Variants in SLC6A17 observed in about 807,000 individuals in gnomAD.
SLC6A17 encodes the protein sodium-dependent neutral amino acid transporter SLC6A17.
SLC6A17 carries 21 observed loss-of-function variants against 64.5 expected under a neutral mutation model. The observed-to-expected ratio is 0.33, with a 90% CI of 0.23 to 0.47. The LOEUF (loss-of-function observed/expected upper bound fraction) is 0.47. SLC6A17 is among the 20% of genes least tolerant of loss of function. SLC6A17 has a pLI of 1.00. For synonymous variants in SLC6A17, 372 were observed against 399.5 expected, an observed-to-expected ratio of 0.93 and a Z score of 0.82; for missense variants, 682 against 963.2, an observed-to-expected ratio of 0.71 and a Z score of 3.86.
Position 110,198,514 on chromosome 1 carries a change from TC to T in SLC6A17, c.*71del, listed in dbSNP as rs1657034554. On this transcript the variant is annotated 3_prime_UTR_variant, in exon 12 of 12. Transcript: ENST00000331565. ...CCCACTTGTCCAGGCCTGGCCTCTT[TC>T]TTGAGGTGGCCACCAGGCCCAGGCC... 6.5e-7 allele frequency: 1 copy of T among 1,532,456 alleles called. No homozygotes were observed. The highest frequency in any genetic ancestry group is 1.3e-5 in the South Asian group (1 of 77,654). The allele number at this position is 1,532,456 out of a possible 1,614,324, so 94.9% of individuals were successfully genotyped here. A position where few individuals can be genotyped will look rare whatever the true frequency, so the allele number is the denominator to read the frequency against.
chr1:110,158,049 T>C (rs1014110087), intron 1 of SLC6A17, among the ~76,000 whole-genome samples: 2 of 152,220 alleles, frequency 1.3e-5, no homozygotes, highest in Admixed American at 1.3e-4. Flanking sequence ...ATATAGTGTA[T>C]GTTTATATGT....
At chr1:110,170,846 GGTGT>G (rs113598904) in intron 2 of SLC6A17, among the ~76,000 whole-genome samples, 221 of 150,134 alleles carry the variant, frequency 1.5e-3, no homozygotes, top group Middle Eastern at 6.9e-3. Flanking sequence ...ACTAGTCTGT[GGTGT>G]GTGTGTGTGT....
At chr1:110,187,173 A>T (rs1656707165) in intron 6 of SLC6A17, among the ~76,000 whole-genome samples, 1 of 152,192 alleles carries the variant, frequency 6.6e-6, no homozygotes, top group Non-Finnish European at 1.5e-5. Flanking sequence ...TAAATGTAAA[A>T]GTTTAATTGA....
chr1:110,190,041 T>A (rs1337547197), intron 6 of SLC6A17, among the ~76,000 whole-genome samples: 6 of 152,224 alleles, frequency 3.9e-5, no homozygotes, highest in Non-Finnish European at 8.8e-5. Context: ...CTATTCCCCA[T>A]GGCCTCTGCA....
intron 6 of SLC6A17, among the ~76,000 whole-genome samples, chr1:110,182,384 T>A (rs1484589827): frequency 1.3e-5 from 2 of 151,972 alleles, no homozygotes; most frequent in African/African-American, 4.8e-5. Flanking sequence ...ATCTAATAGA[T>A]CTCCACATGG....
intron 1 of SLC6A17, among the ~76,000 whole-genome samples, chr1:110,161,008 T>C (rs561354152): frequency 1.3e-5 from 2 of 152,206 alleles, no homozygotes; most frequent in East Asian, 3.9e-4. Flanking sequence ...CCTACAGGAC[T>C]TGCAACACCT....
chr1:110,183,104 G>A (rs1656577190), intron 6 of SLC6A17, among the ~76,000 whole-genome samples: 1 of 152,192 alleles, frequency 6.6e-6, no homozygotes, highest in Admixed American at 6.5e-5. Flanking sequence ...ATATGACCCA[G>A]CCATTCCACT....
rs759605977 is a variant in SLC6A17, at chr1:110,167,114, C to T, written c.185C>T (p.Ala62Val). 3.1e-6 allele frequency: 5 copies of T among 1,613,086 alleles called. No individual in the cohort carries two copies. In the Admixed American group the frequency reaches 6.7e-5, roughly 22 times the overall value. The change falls in exon 2 of 12, where the codon GCC becomes GTC. Residue 62 changes from alanine to valine, a missense_variant. Coordinates refer to ENST00000331565, the MANE Select transcript of SLC6A17 (RefSeq NM_001010898.4). ...GAGCTGGATGCAGAGGACCGGCCGG[C>T]CTGGAACAGTAAGCTGCAGTACATC... ...EEELDAEDRP[A>V]WNSKLQYILA...
chr1:110,193,471 C>G (rs1411840784), intron 8 of SLC6A17, among the ~76,000 whole-genome samples: 3 of 152,202 alleles, frequency 2.0e-5, no homozygotes, highest in Admixed American at 6.5e-5. Flanking sequence ...AGGGACATAC[C>G]CACAGCATCT....
Position 110,199,698 on chromosome 1 carries a change from A to T in SLC6A17, c.*1254A>T, listed in dbSNP as rs1405304926. ...CCAAAGGCAAGGGCTGGTCTTCAGGATGGAGGCCAGCCTGTGCAGAAGGCT... is the reference window on the plus strand; with the variant it reads ...CCAAAGGCAAGGGCTGGTCTTCAGGTTGGAGGCCAGCCTGTGCAGAAGGCT... On this transcript the variant is annotated 3_prime_UTR_variant, in exon 12 of 12. Transcript: ENST00000331565. 2 of 342,814 alleles carry T rather than the reference A, an allele frequency of 5.8e-6. No individual in the cohort carries two copies. The highest frequency in any genetic ancestry group is 4.8e-5 in the Admixed American group (1 of 20,816). 21.2% of individuals were successfully genotyped at this position (342,814 alleles called of 1,614,324 possible).
At chr1:110,193,246 C>CCCAT (rs1266694755) in intron 8 of SLC6A17, among the ~76,000 whole-genome samples, 1 of 152,174 alleles carries the variant, frequency 6.6e-6, no homozygotes, top group African/African-American at 2.4e-5. Flanking sequence ...GGGTCCAGAG[C>CCCAT]CCATGCTCAG....
chr1:110,173,069 A>G (rs1197303645), intron 3 of SLC6A17, among the ~76,000 whole-genome samples: 1 of 152,260 alleles, frequency 6.6e-6, no homozygotes, highest in African/African-American at 2.4e-5. Flanking sequence ...GCACTGGCCA[A>G]TGCCGTGTAT....
At chr1:110,187,045 T>A (rs1656703027) in intron 6 of SLC6A17, among the ~76,000 whole-genome samples, 1 of 152,056 alleles carries the variant, frequency 6.6e-6, no homozygotes, top group African/African-American at 2.4e-5. Flanking sequence ...AAAAAGATTT[T>A]CTAGAAGACA....
rs772049644 is a variant in SLC6A17 at position 110,183,975 on chromosome 1, T to A, written c.864+7236T>A. On this transcript the variant is annotated intron_variant, in intron 6 of 11. Coordinates refer to ENST00000331565, the MANE Select transcript of SLC6A17 (RefSeq NM_001010898.4). ...CCCCCTGGAGGCTAGGGGTCAGGAG[T>A]GTGCAGTGGACTCTCTAGCATGGAG... 2.8e-4 allele frequency among the ~76,000 whole-genome samples: 42 copies of A among 150,712 alleles called. No individual in the cohort carries two copies. In the Middle Eastern group the frequency reaches 0.01, roughly 37 times the overall value.
chr1:110,193,441 G>T (rs899378982), intron 8 of SLC6A17, among the ~76,000 whole-genome samples: 5 of 152,210 alleles, frequency 3.3e-5, no homozygotes, highest in African/African-American at 9.7e-5. Context: ...TGACTGTTCT[G>T]TTAGAAGGGG....
chr1:110,194,952 A>G, intron 9 of SLC6A17, 181 bp downstream of exon 9: 1 of 758,550 alleles, frequency 1.3e-6, no homozygotes, highest in Non-Finnish European at 2.1e-6. Context: ...CAGGAAGAGA[A>G]AGCTACTTGG....
intron 3 of SLC6A17, among the ~76,000 whole-genome samples, chr1:110,173,385 G>A (rs1656291445): frequency 1.3e-5 from 2 of 152,186 alleles, no homozygotes; most frequent in Admixed American, 6.5e-5. Context: ...TTTCAAAGAA[G>A]CCCCTTGGAC....
rs1302392965 is a variant in SLC6A17, at chr1:110,197,408, A to T, written c.1653-29A>T. 6 of 1,580,086 alleles carry T rather than the reference A, an allele frequency of 3.8e-6. No individual in the cohort carries two copies. In the East Asian group the frequency reaches 1.1e-4, roughly 30 times the overall value. ...AGGGAGGTGTGACTGAGGGATGCCA[A>T]CTGCTGGACCCTCTGCTATGCCTGG... On this transcript the variant is annotated intron_variant, in intron 10 of 11. Transcript: ENST00000331565.
intron 1 of SLC6A17, among the ~76,000 whole-genome samples, chr1:110,164,641 G>A (rs1655998018): frequency 6.6e-6 from 1 of 152,198 alleles, no homozygotes; most frequent in African/African-American, 2.4e-5. Flanking sequence ...TGGCGTCAGT[G>A]ACATCTTGGG....
Sources: allele counts gnomAD v4.1 joint callset (sites outside exome capture counted in the v4.1 genomes callset), GRCh38; gene constraint gnomAD v4.1.1; transcripts MANE v1.5; gene names NCBI Gene and HGNC (gene_info 2026-07-23, HGNC 2026-07-21).